The following CFAP54 variants were observed in gnomAD, a reference collection of about 807,000 sequenced individuals.
CFAP54 encodes the protein cilia and flagella associated protein 54, also known as cilia- and flagella-associated protein 54.
Under a neutral mutation model 370.4 loss-of-function variants are expected in CFAP54, and 290 were observed. The ratio of observed to expected loss-of-function variants is 0.78; its 90% confidence interval spans 0.71 to 0.86. The LOEUF is 0.86. Among genes scored for constraint, CFAP54 ranks in the 40% least tolerant of loss-of-function variants. CFAP54 has a pLI of 0.00. For missense variants in CFAP54, 3,399 were observed against 3,528.7 expected (o/e 0.96, Z 0.93); for synonymous variants, 1,206 against 1,236.5 (o/e 0.98, Z 0.52).
chr12:96,587,471 T>C (rs1258048559), intron 22 of CFAP54, among the ~76,000 whole-genome samples: 1 of 152,172 alleles, frequency 6.6e-6, no homozygotes, highest in South Asian at 2.1e-4. Context: ...AGTGCTTCTT[T>C]CTCATTTTCA....
chr12:96,547,580 A>G (rs1371983527), intron 14 of CFAP54, among the ~76,000 whole-genome samples: 3 of 152,202 alleles, frequency 2.0e-5, no homozygotes, highest in Non-Finnish European at 4.4e-5. Flanking sequence ...AGATTTTTTT[A>G]AATTACCTTA....
chr12:96,712,930 G>A (rs1957631002), intron 48 of CFAP54, among the ~76,000 whole-genome samples: 1 of 152,124 alleles, frequency 6.6e-6, no homozygotes, highest in Non-Finnish European at 1.5e-5. Context: ...AAAAGCATAT[G>A]AGAAAATACT....
At chr12:96,515,643 C>T (rs934420759) in intron 5 of CFAP54, among the ~76,000 whole-genome samples, 8 of 152,028 alleles carry the variant, frequency 5.3e-5, no homozygotes, top group Admixed American at 1.3e-4. Flanking sequence ...TAGCCTAAGA[C>T]GGAAGGAGAA....
intron 24 of CFAP54, among the ~76,000 whole-genome samples, chr12:96,593,646 T>C (rs1249149220): frequency 6.6e-6 from 1 of 152,118 alleles, no homozygotes; most frequent in African/African-American, 2.4e-5. Context: ...ACATGGAAAT[T>C]TCTGGTTACC....
chr12:96,737,473 T>C (rs1417888239), intron 50 of CFAP54, among the ~76,000 whole-genome samples: 1 of 147,194 alleles, frequency 6.8e-6, no homozygotes, highest in African/African-American at 2.5e-5. Flanking sequence ...TTATATATTA[T>C]ATTTTATATA....
chr12:96,502,216 TTTAA>T (rs1565876439), intron 2 of CFAP54, among the ~76,000 whole-genome samples: 1 of 151,930 alleles, frequency 6.6e-6, no homozygotes, highest in Non-Finnish European at 1.5e-5. Flanking sequence ...TATTTTAATA[TTTAA>T]TTAAAGGAAC....
At chr12:96,623,686 A>G in intron 27 of CFAP54, 81 bp from the exon 28 acceptor site, 1 of 687,362 alleles carries the variant, frequency 1.5e-6, no homozygotes, top group Non-Finnish European at 2.5e-6. Flanking sequence ...GTATGAAAAC[A>G]TAATTTAAAG....
chr12:96,686,276 T>C (rs1406045242), intron 42 of CFAP54, among the ~76,000 whole-genome samples: 2 of 152,218 alleles, frequency 1.3e-5, no homozygotes, highest in Non-Finnish European at 2.9e-5. Flanking sequence ...ACCAGTCATA[T>C]TGGATTAGGG....
intron 34 of CFAP54, among the ~76,000 whole-genome samples, chr12:96,648,916 T>C (rs1043480059): frequency 6.6e-6 from 1 of 152,064 alleles, no homozygotes; most frequent in Non-Finnish European, 1.5e-5. Context: ...CAGGGTGTGC[T>C]CTGGAAACTG....
intron 34 of CFAP54, among the ~76,000 whole-genome samples, chr12:96,648,816 C>T (rs144267948): frequency 1.3e-3 from 204 of 152,148 alleles, no homozygotes; most frequent in African/African-American, 4.6e-3. Flanking sequence ...TCTCCAACTC[C>T]TGACCTTGTG....
At chr12:96,702,243 A>G (rs535505732) in intron 46 of CFAP54, among the ~76,000 whole-genome samples, 1 of 126,150 alleles carries the variant, frequency 7.9e-6, no homozygotes, top group South Asian at 2.4e-4. Context: ...AGTATGAGAC[A>G]TGTTAAGTAT....
intron 65 of CFAP54, among the ~76,000 whole-genome samples, chr12:96,828,080 T>TAATATATTATTA (rs1959148364): frequency 7.6e-6 from 1 of 131,152 alleles, no homozygotes; most frequent in African/African-American, 2.9e-5. Context: ...AATTATATAT[T>TAATATATTATTA]ATATATATTA....
intron 48 of CFAP54, among the ~76,000 whole-genome samples, chr12:96,713,640 G>A (rs974801139): frequency 6.6e-6 from 1 of 152,258 alleles, no homozygotes; most frequent in African/African-American, 2.4e-5. Flanking sequence ...GGCATTGTGG[G>A]TTACATGGTA....
At position 96,660,156 on chromosome 12, in the gene CFAP54, C is replaced by T. The variant is rs192271434; in HGVS notation, c.5460+1810C>T. On this transcript the variant is annotated intron_variant, in intron 38 of 67. Coordinates refer to ENST00000524981, the MANE Select transcript of CFAP54 (RefSeq NM_001306084.2). ...AGATGATGGCATTTGATGAGAGGGG[C>T]CAGCCATACAGTGATCTAGGGAAAG... 1.3e-4 allele frequency among the ~76,000 whole-genome samples: 20 copies of T among 152,110 alleles called. No homozygotes were observed. In the East Asian group the frequency reaches 3.5e-3, roughly 27 times the overall value.
At position 96,786,943 on chromosome 12, in the gene CFAP54, AATC is replaced by A. The variant is rs1271522528; in HGVS notation, c.8679+51_8679+53del. On this transcript the variant is annotated intron_variant, in intron 62 of 67. Transcript: ENST00000524981. ...GATATATTTACATAAAACTTCTTGG[AATC>A]ATCATTATATTTCAGAAGGAAACAC... 8 of 1,312,258 alleles carry A rather than the reference AATC, an allele frequency of 6.1e-6. No individual in the cohort carries two copies. The East Asian group carries it at 7.6e-5, about 12-fold the overall frequency. The allele number at this position is 1,312,258 out of a possible 1,614,324, so 81.3% of individuals were successfully genotyped here. A position where few individuals can be genotyped will look rare whatever the true frequency, so the allele number is the denominator to read the frequency against.
chr12:96,868,490 A>G (rs568321260), intron 67 of CFAP54, among the ~76,000 whole-genome samples: 9 of 128,882 alleles, frequency 7.0e-5, no homozygotes, highest in Non-Finnish European at 1.5e-4. Flanking sequence ...AACTGTTTTT[A>G]TATATTTTTG....
rs1003634651 is a variant in CFAP54, at chr12:96,551,182, C to T, written c.2155-3000C>T. ...GCTACTTGGGAGGATCGCCTGAGCC[C>T]GGGAAATCAAGGCTGCAGTGAGGCA... On this transcript the variant is annotated intron_variant, in intron 15 of 67. Transcript: ENST00000524981. Among the ~76,000 whole-genome samples, 13 of 142,226 alleles carry T rather than the reference C, an allele frequency of 9.1e-5. No individual in the cohort carries two copies. In the East Asian group the frequency reaches 1.8e-3, roughly 20 times the overall value. 93.3% of individuals were successfully genotyped at this position (142,226 alleles called of 152,430 possible). A position where few individuals can be genotyped will look rare whatever the true frequency, so the allele number is the denominator to read the frequency against.
chr12:96,848,213 A>T (rs373622950), intron 66 of CFAP54, among the ~76,000 whole-genome samples: 3 of 152,022 alleles, frequency 2.0e-5, no homozygotes, highest in African/African-American at 4.8e-5. Flanking sequence ...AGTAGTTGGC[A>T]TTACAGGCAT....
chr12:96,820,214 A>G (rs1413979565), intron 65 of CFAP54, among the ~76,000 whole-genome samples: 1 of 152,066 alleles, frequency 6.6e-6, no homozygotes, highest in Admixed American at 6.6e-5. Context: ...TTTTTGGTCT[A>G]GTATATCTTT....
Sources: gnomAD v4.1 joint callset for allele counts (sites outside exome capture counted in the v4.1 genomes callset) on GRCh38, gnomAD v4.1.1 for gene constraint, MANE v1.5 for transcripts, NCBI Gene and HGNC (gene_info 2026-07-23, HGNC 2026-07-21) for gene names.